The following LMTK3 variants were observed in gnomAD, a reference collection of about 807,000 sequenced individuals.
The protein encoded by LMTK3 is serine/threonine-protein kinase LMTK3.
In LMTK3, 27 loss-of-function variants were observed where a neutral mutation model predicts 116.7. The observed-to-expected ratio is 0.23, with a 90% CI of 0.17 to 0.32. The LOEUF (loss-of-function observed/expected upper bound fraction) is 0.32, where lower values mean the gene tolerates loss of function less well. Among genes scored for constraint, LMTK3 ranks in the 10% least tolerant of loss-of-function variants. LMTK3 has a pLI of 1.00. For missense variants in LMTK3, 1,764 were observed against 2,068.5 expected, an observed-to-expected ratio of 0.85 and a Z score of 2.86; for synonymous variants, 965 against 971.0, an observed-to-expected ratio of 0.99 and a Z score of 0.11.
Position 48,493,946 on chromosome 19 carries a change from G to A in LMTK3, c.3840C>T (p.Asp1280=). The A allele has an allele frequency of 9.6e-7, 1 of 1,036,834 alleles. No homozygotes were observed. The highest frequency in any genetic ancestry group is 1.2e-6 in the Non-Finnish European group (1 of 867,252). The allele number at this position is 1,036,834 out of a possible 1,614,324, so 64.2% of individuals were successfully genotyped here. A position where few individuals can be genotyped will look rare whatever the true frequency, so the allele number is the denominator to read the frequency against. Residue 1280 remains aspartate, a synonymous_variant, in exon 12 of 15, where the codon GAC becomes GAT. Transcript: ENST00000600059. Reference sequence around the variant, plus strand: ...CGTCCTCCTCCTCGTCCTCGTCCTCGTCCTCCCCGTCCTCCTCCGCCGGCC... The same window carrying A: ...CGTCCTCCTCCTCGTCCTCGTCCTCATCCTCCCCGTCCTCCTCCGCCGGCC... ...APGPAEEDGE[D]EDEDEEEDEE...
chr19:48,498,155 T>C lies in LMTK3; in HGVS notation c.2914A>G (p.Lys972Glu). 6.2e-7 allele frequency: 1 copy of C among 1,613,354 alleles called. No individual in the cohort carries two copies. ...CTCAGCTCCCCATTCTCCAGCGCTT[T>C]CTCCTCCCTCCTTGGGGGTGTCAGC... is the stretch of plus-strand genomic sequence containing the variant. Reference protein sequence around the residue: ...GELTPPRREEKALENGELRSP... With the variant: ...GELTPPRREEEALENGELRSP... Residue 972 changes from lysine (K) to glutamate (E), a missense_variant, in exon 11 of 15, where the codon AAA becomes GAA. Around this residue, in one of 7 missense-constraint regions of LMTK3, gnomAD observed 1,028 missense variants for 1,050.6 expected, o/e 0.98. Transcript: ENST00000600059.
rs761469574 is a variant in LMTK3, at chr19:48,497,412, C to T, written c.3657G>A (p.Gly1219=). Residue 1219 remains glycine, a synonymous_variant, in exon 11 of 15, where the codon GGG becomes GGA. Transcript: ENST00000600059. The surrounding 1 kb of genome is among the most constrained non-coding windows in gnomAD (Gnocchi z 5.7). The stretch of plus-strand genomic sequence containing the variant: ...CCTCACCTTTGATCTGCTCGCTGTT[C>T]CCCTGAGGGGGTCCCAAGTCCAAGA... ...RLFLDLGPPQ[G]NSEQIKARLS... is the part of the protein sequence containing the mutation. 3.9e-6 allele frequency: 6 copies of T among 1,531,556 alleles called. No individual in the cohort carries two copies. The highest frequency in any genetic ancestry group is 5.2e-6 in the Non-Finnish European group (6 of 1,143,014). The allele number at this position is 1,531,556 out of a possible 1,614,324, so 94.9% of individuals were successfully genotyped here. A position where few individuals can be genotyped will look rare whatever the true frequency, so the allele number is the denominator to read the frequency against.
At position 48,497,056 on chromosome 19, in the gene LMTK3, A is replaced by G. The variant is rs1972340919; in HGVS notation, c.3676+337T>C. On this transcript the variant is annotated intron_variant, in intron 11 of 14. Transcript: ENST00000600059. The surrounding 1 kb of genome is among the most constrained non-coding windows in gnomAD (Gnocchi z 5.7). ...AGACCCCTGGTCTAAGTGAGTTGCA[A>G]TAATAAAAGCAGGTGCTTACTGAAT... Among the ~76,000 whole-genome samples the G allele has an allele frequency of 6.6e-6, 1 of 152,240 alleles. No individual in the cohort carries two copies. The highest frequency in any genetic ancestry group is 6.5e-5 in the Admixed American group (1 of 15,280).
intron 11 of LMTK3, among the ~76,000 whole-genome samples, chr19:48,496,837 TA>T (rs1601046164): frequency 6.6e-6 from 1 of 152,168 alleles, no homozygotes; most frequent in East Asian, 1.9e-4. Context: ...GCTGCAACCA[TA>T]AAAACAAAAG....
At position 48,494,995 on chromosome 19, in the gene LMTK3, A is replaced by G. The variant is rs1972300702; in HGVS notation, c.3677-886T>C. On this transcript the variant is annotated intron_variant, in intron 11 of 14. Transcript: ENST00000600059. The surrounding 1 kb of genome is among the most constrained non-coding windows in gnomAD (Gnocchi z 4.0). ...GTGATGGGGTTATGGGCGATGCTTC[A>G]TAGAGGGAGTGTTTTTTTTGTTTTT... 6.6e-6 allele frequency among the ~76,000 whole-genome samples: 1 copy of G among 151,302 alleles called. No homozygotes were observed. Among genetic ancestry groups the G allele is most frequent in the Admixed American group, 6.6e-5 (1 of 15,186 alleles).
rs1398888673 is a variant in LMTK3, at chr19:48,498,546, C to T, written c.2523G>A (p.Pro841=). ...TCTCCCGGGGCCCCGGGAGTGGGAG[C>T]GGACCCGGGTCTGGAGGTGGCCGGG... ...GAPRPPPDPG[P]LPLPGPREKP... Residue 841 remains proline (P), a synonymous_variant, in exon 11 of 15, where the codon CCG becomes CCA. Transcript: ENST00000600059. 5 of 1,564,116 alleles carry T rather than the reference C, an allele frequency of 3.2e-6. No individual in the cohort carries two copies. Among genetic ancestry groups the T allele is most frequent in the African/African-American group, 1.4e-5 (1 of 73,328 alleles).
chr19:48,509,009 C>A, intron 4 of LMTK3, 40 bp from the exon 5 acceptor site: 1 of 1,397,986 alleles, frequency 7.2e-7, no homozygotes, highest in Non-Finnish European at 9.9e-7. Context: ...GTGCCGTTTC[C>A]CCAGCCCCGT....
chr19:48,497,532 C>A lies in LMTK3; in HGVS notation c.3537G>T (p.Gly1179=). 7.1e-7 allele frequency: 1 copy of A among 1,402,040 alleles called. No homozygotes were observed. The highest frequency in any genetic ancestry group is 9.3e-7 in the Non-Finnish European group (1 of 1,074,722). 86.8% of individuals were successfully genotyped at this position (1,402,040 alleles called of 1,614,324 possible). A position where few individuals can be genotyped will look rare whatever the true frequency, so the allele number is the denominator to read the frequency against. The change falls in exon 11 of 15, where the codon GGG becomes GGT. Residue 1179 remains glycine, a synonymous_variant. Coordinates refer to ENST00000600059, the MANE Select transcript of LMTK3 (RefSeq NM_001388485.1). This position sits in a 1 kb window ranked among gnomAD's most constrained non-coding sequence, Gnocchi z 5.7. ...RPEVAPEGEP[G]APDSRAGGDT... ...CTCCGCCGGCCCTGCTGTCTGGGGCCCCGGGCTCTCCCTCGGGGGCCACCT... is the reference window on the plus strand; with the variant it reads ...CTCCGCCGGCCCTGCTGTCTGGGGCACCGGGCTCTCCCTCGGGGGCCACCT...
Position 48,498,750 on chromosome 19 carries a change from AG to A in LMTK3, c.2318del (p.Pro773LeufsTer85). ...PADPAASPDPPSAVASPGSGL... is the reference protein window; with the variant it reads ...PADPAASPDPXSAVASPGSGL... ...CTGAACCGGGACTGGCCACGGCCGAAGGGGGGTCGGGGGACGCGGCCGGGTC... is the reference window on the plus strand; with the variant it reads ...CTGAACCGGGACTGGCCACGGCCGAAGGGGGTCGGGGGACGCGGCCGGGTC... On this transcript the variant is annotated frameshift_variant, in exon 11 of 15. Transcript: ENST00000600059. LOFTEE classifies it high-confidence loss of function. 1 of 1,144,136 alleles carries A rather than the reference AG, an allele frequency of 8.7e-7. No individual in the cohort carries two copies. The highest frequency in any genetic ancestry group is 1.1e-6 in the Non-Finnish European group (1 of 918,314). The allele number at this position is 1,144,136 out of a possible 1,614,324, so 70.9% of individuals were successfully genotyped here. A position where few individuals can be genotyped will look rare whatever the true frequency, so the allele number is the denominator to read the frequency against.
intron 14 of LMTK3, among the ~76,000 whole-genome samples, chr19:48,486,351 G>A (rs911765537): frequency 6.6e-6 from 1 of 151,046 alleles, no homozygotes; most frequent in African/African-American, 2.5e-5. Flanking sequence ...GAGCCACCGC[G>A]CCCGGCCTTT....
rs1252291528 is a variant in LMTK3 at position 48,493,847 on chromosome 19, G to A, written c.3939C>T (p.Val1313=). ...CGTCCGCGTCGGCGCTGCTCACCAC[G>A]ACGGGCACCGGGGCTGCTCGCGCCC... ...PGRARAAPVP[V]VVSSADADAA... The change falls in exon 12 of 15, where the codon GTC becomes GTT. Residue 1313 remains valine (V), a synonymous_variant. Coordinates refer to ENST00000600059, the MANE Select transcript of LMTK3 (RefSeq NM_001388485.1). 67 of 1,404,110 alleles carry A rather than the reference G, an allele frequency of 4.8e-5. No individual in the cohort carries two copies. The highest frequency in any genetic ancestry group is 6.0e-5 in the Non-Finnish European group (65 of 1,080,216). 87.0% of individuals were successfully genotyped at this position (1,404,110 alleles called of 1,614,324 possible).
intron 14 of LMTK3, among the ~76,000 whole-genome samples, chr19:48,486,785 C>T (rs1274010603): frequency 1.3e-5 from 2 of 152,024 alleles, no homozygotes; most frequent in Non-Finnish European, 2.9e-5. Flanking sequence ...GATCCACCCA[C>T]CTCAGCCTCC....
At chr19:48,512,962 G>T (rs1354922105), upstream of LMTK3, among the ~76,000 whole-genome samples, 2 of 151,900 alleles carry the variant, frequency 1.3e-5, no homozygotes, top group South Asian at 2.1e-4. Flanking sequence ...AACAGACATG[G>T]ACACACACAT....
chr19:48,486,047 CTTTTTTTTTTTT>C (rs141193575), intron 14 of LMTK3, among the ~76,000 whole-genome samples: 32 of 59,794 alleles, frequency 5.4e-4, no homozygotes, highest in Middle Eastern at 0.014. Flanking sequence ...AACATTCTTC[CTTTTTTTTTTTT>C]TTTTTTTTTT....
Position 48,491,525 on chromosome 19 carries a change from G to A in LMTK3, c.4107C>T (p.Asn1369=). ...CGGGGGGGGCCTGGACGCTCAGCTC[G>A]TTGGTTGGCGTCTCCTGTGAAGGCA... ...VYLFDQETPT[N]ELSVQAPPEG... The change falls in exon 13 of 15, where the codon AAC becomes AAT. Residue 1369 remains asparagine, a synonymous_variant. Coordinates refer to ENST00000600059, the MANE Select transcript of LMTK3 (RefSeq NM_001388485.1). The surrounding 1 kb of genome is among the most constrained non-coding windows in gnomAD (Gnocchi z 5.1). 1 of 1,397,632 alleles carries A rather than the reference G, an allele frequency of 7.2e-7. No individual in the cohort carries two copies. Among genetic ancestry groups the A allele is most frequent in the Non-Finnish European group, 9.3e-7 (1 of 1,070,332 alleles). The allele number at this position is 1,397,632 out of a possible 1,614,324, so 86.6% of individuals were successfully genotyped here. A position where few individuals can be genotyped will look rare whatever the true frequency, so the allele number is the denominator to read the frequency against.
At position 48,500,936 on chromosome 19, in the gene LMTK3, G is replaced by A; in HGVS notation, c.1151+60C>T. 7.0e-7 allele frequency: 1 copy of A among 1,438,764 alleles called. No individual in the cohort carries two copies. The highest frequency in any genetic ancestry group is 9.2e-7 in the Non-Finnish European group (1 of 1,089,306). The allele number at this position is 1,438,764 out of a possible 1,614,324, so 89.1% of individuals were successfully genotyped here. A position where few individuals can be genotyped will look rare whatever the true frequency, so the allele number is the denominator to read the frequency against. ...GGTGATGTGGGAAACGAGGGGGGATGCTGGGACCATCCTGGGTGGGGTGCG... is the reference window on the plus strand; with the variant it reads ...GGTGATGTGGGAAACGAGGGGGGATACTGGGACCATCCTGGGTGGGGTGCG... On this transcript the variant is annotated intron_variant, in intron 10 of 14. Transcript: ENST00000600059. This position sits in a 1 kb window ranked among gnomAD's most constrained non-coding sequence, Gnocchi z 4.0.
In LMTK3 at chr19:48,497,824, C is replaced by G. The variant is rs1243818718; in HGVS notation, c.3245G>C (p.Gly1082Ala). The change falls in exon 11 of 15, where the codon GGG (glycine) becomes GCG (alanine). Residue 1082 changes from glycine (G) to alanine (A), a missense_variant. Around this residue, in one of 7 missense-constraint regions of LMTK3, gnomAD observed 1,028 missense variants for 1,050.6 expected, o/e 0.98. Transcript: ENST00000600059. This position sits in a 1 kb window ranked among gnomAD's most constrained non-coding sequence, Gnocchi z 5.7. ...CCTCTCGGTCCCGGGTTCCAGCGTC[C>G]CGTTCTTGGGGGCTGGGCCAAGGGG... ...PGPLGPAPKN[G>A]TLEPGTERRA... The G allele has an allele frequency of 7.2e-7, 1 of 1,395,848 alleles. No individual in the cohort carries two copies. The highest frequency in any genetic ancestry group is 2.8e-5 in the East Asian group (1 of 36,148). The allele number at this position is 1,395,848 out of a possible 1,614,324, so 86.5% of individuals were successfully genotyped here.
At position 48,498,652 on chromosome 19, in the gene LMTK3, G is replaced by T. The variant is rs930109289; in HGVS notation, c.2417C>A (p.Ala806Asp). Reference protein sequence around the residue: ...ETETPFSPEGAFPGGGAAEEE... With the variant: ...ETETPFSPEGDFPGGGAAEEE... ...CTCGGCCGCCCCCCCACCTGGGAAG[G>T]CTCCCTCTGGGGAAAAAGGGGTCTC... Residue 806 changes from alanine (A) to aspartate (D), a missense_variant, in exon 11 of 15, where the codon GCC (alanine) becomes GAC (aspartate). Ala to Asp is a moderately radical substitution (Grantham distance 126). Transcript: ENST00000600059. The T allele has an allele frequency of 1.3e-6, 2 of 1,541,558 alleles. No individual in the cohort carries two copies. Among genetic ancestry groups the T allele is most frequent in the East Asian group, 2.5e-5 (1 of 40,710 alleles).
In LMTK3 at chr19:48,499,101, G is replaced by A; in HGVS notation, c.1968C>T (p.Ser656=). 2 of 1,556,850 alleles carry A rather than the reference G, an allele frequency of 1.3e-6. No individual in the cohort carries two copies. Among genetic ancestry groups the A allele is most frequent in the South Asian group, 1.2e-5 (1 of 84,628 alleles). Reference sequence around the variant, plus strand: ...CCCGGCGGCTTGGGCCACCTCCAAGGCTGCTGCTGTCTTCCCCTGGGGAGC... The same window carrying A: ...CCCGGCGGCTTGGGCCACCTCCAAGACTGCTGCTGTCTTCCCCTGGGGAGC... ...EGSSPGEDSS[S]LGGGPSRRGP... is the part of the protein sequence containing the mutation. Residue 656 remains serine (S), a synonymous_variant, in exon 11 of 15, where the codon AGC becomes AGT. Coordinates refer to ENST00000600059, the MANE Select transcript of LMTK3 (RefSeq NM_001388485.1).
Sources: gnomAD v4.1 joint callset for allele counts (sites outside exome capture counted in the v4.1 genomes callset) on GRCh38, gnomAD v4.1.1 for gene constraint, gnomAD v4.1.1 regional missense constraint, Gnocchi (gnomAD v3.1) non-coding constraint, MANE v1.5 for transcripts, NCBI Gene and HGNC (gene_info 2026-07-23, HGNC 2026-07-21) for gene names.